Variants in TUBD1 observed in about 807,000 individuals in gnomAD.
TUBD1 encodes tubulin delta chain.
In TUBD1, 38 loss-of-function variants were observed where a neutral mutation model predicts 51.2. The ratio of observed to expected loss-of-function variants is 0.74; its 90% CI spans 0.57 to 0.97. The LOEUF is 0.97. Among genes scored for constraint, TUBD1 ranks in the 50% least tolerant of loss-of-function variants. The probability of loss-of-function intolerance (pLI) is 0.00; values close to 1 mark genes in which losing one functional copy is unlikely to be tolerated. For synonymous variants in TUBD1, 169 were observed against 178.2 expected, an observed-to-expected ratio of 0.95 and a Z score of 0.41; for missense variants, 489 against 538.4, an observed-to-expected ratio of 0.91 and a Z score of 0.91.
intron 3 of TUBD1, among the ~76,000 whole-genome samples, chr17:59,884,350 C>G (rs548243951): frequency 1.3e-5 from 2 of 151,848 alleles, no homozygotes; most frequent in African/African-American, 4.8e-5. Context: ...CAGTGACTCA[C>G]GCCTGTAATC....
chr17:59,871,418 C>A (rs1175697291), intron 6 of TUBD1, among the ~76,000 whole-genome samples: 1 of 152,096 alleles, frequency 6.6e-6, no homozygotes, highest in Non-Finnish European at 1.5e-5. Context: ...CAAGGATGGT[C>A]TCGATCTCTG....
chr17:59,861,848 A>G (rs2039461715), intron 8 of TUBD1, among the ~76,000 whole-genome samples: 1 of 150,826 alleles, frequency 6.6e-6, no homozygotes, highest in African/African-American at 2.4e-5. Flanking sequence ...TTGTGTTTTT[A>G]GTAGAGACGG....
intron 4 of TUBD1, among the ~76,000 whole-genome samples, chr17:59,878,962 A>G (rs1368320792): frequency 1.3e-5 from 2 of 152,162 alleles, no homozygotes; most frequent in East Asian, 3.8e-4. Context: ...TAGGTTGATC[A>G]ACAGGAAATT....
chr17:59,874,732 T>A, intron 5 of TUBD1, 29 bp from the exon 6 acceptor site: 1 of 1,585,030 alleles, frequency 6.3e-7, no homozygotes, highest in Non-Finnish European at 8.6e-7. Context: ...CTGAACTAAT[T>A]TTTTTTTATT....
At chr17:59,890,736 T>C (rs1325468455) in intron 2 of TUBD1, 95 bp downstream of exon 2, 3 of 987,878 alleles carry the variant, frequency 3.0e-6, no homozygotes, top group Non-Finnish European at 4.4e-6. Context: ...CCTAGTGAGA[T>C]GGGAAGGAAT....
chr17:59,868,108 C>CAAAAAAAAAAA (rs35401242), intron 6 of TUBD1, among the ~76,000 whole-genome samples: 2 of 26,812 alleles, frequency 7.5e-5, no homozygotes, highest in African/African-American at 1.5e-4. Flanking sequence ...ACTAAAAATA[C>CAAAAAAAAAAA]AAAAAAAAAA....
rs143082769 is a variant in TUBD1, at chr17:59,882,315, G to A, written c.321-1205C>T. 2.8e-3 allele frequency among the ~76,000 whole-genome samples: 425 copies of A among 151,776 alleles called. 1 individual carries two copies. Among genetic ancestry groups the A allele is most frequent in the African/African-American group, 8.7e-3 (358 of 41,340 alleles). On this transcript the variant is annotated intron_variant, in intron 3 of 8. Transcript: ENST00000325752. Reference sequence around the variant, plus strand: ...TTTGTGTTTTTTGAGGCGGAGTCTCGCTCTGTCGCCCAGGCTGGGGTGCAG... The same window carrying A: ...TTTGTGTTTTTTGAGGCGGAGTCTCACTCTGTCGCCCAGGCTGGGGTGCAG...
chr17:59,889,907 T>C (rs111282327), intron 2 of TUBD1, among the ~76,000 whole-genome samples: 27,897 of 145,702 alleles, frequency 0.19, 2,821 homozygotes, highest in East Asian at 0.39. Context: ...GAGGTGGAGG[T>C]TACAGTGAGC....
intron 3 of TUBD1, 140 bp downstream of exon 3, chr17:59,885,943 G>T: frequency 1.1e-6 from 1 of 927,040 alleles, no homozygotes; most frequent in South Asian, 1.8e-5. Flanking sequence ...GTTTCTTCTG[G>T]GTAAAATAAA....
At chr17:59,872,930 T>G (rs2040061618) in intron 6 of TUBD1, among the ~76,000 whole-genome samples, 1 of 152,002 alleles carries the variant, frequency 6.6e-6, no homozygotes, top group South Asian at 2.1e-4. Flanking sequence ...CGGCTAATTT[T>G]TTTGTATTTT....
rs750457639 is a variant in TUBD1 at position 59,860,012 on chromosome 17, A to ATTT, written c.*307_*309dup. ...TTTAACAGAATGGAACTTTGAAAAC[A>ATTT]TTTTTTTTTTTTTTTTTTTTTGAGA... On this transcript the variant is annotated 3_prime_UTR_variant, in exon 9 of 9. Transcript: ENST00000325752. 5.9e-4 allele frequency: 74 copies of ATTT among 125,474 alleles called. No homozygotes were observed. Among genetic ancestry groups the ATTT allele is most frequent in the African/African-American group, 8.0e-4 (25 of 31,400 alleles). The allele number at this position is 125,474 out of a possible 1,614,324, so 7.8% of individuals were successfully genotyped here. A position where few individuals can be genotyped will look rare whatever the true frequency, so the allele number is the denominator to read the frequency against.
chr17:59,868,607 A>G (rs1236278724), intron 6 of TUBD1, among the ~76,000 whole-genome samples: 1 of 151,556 alleles, frequency 6.6e-6, no homozygotes, highest in Non-Finnish European at 1.5e-5. Context: ...TGCGAGGCAG[A>G]GGGGGGGGAT....
At chr17:59,874,016 C>T (rs377703195) in intron 6 of TUBD1, among the ~76,000 whole-genome samples, 2 of 151,676 alleles carry the variant, frequency 1.3e-5, no homozygotes. Context: ...GGTGAAACCC[C>T]GTCTCTACTA....
chr17:59,862,742 T>TTTTTTA (rs1491573234), intron 8 of TUBD1, among the ~76,000 whole-genome samples: 1 of 125,126 alleles, frequency 8.0e-6, no homozygotes, highest in African/African-American at 3.1e-5. Context: ...TTTTTTTTTT[T>TTTTTTA]GAGACGGAGT....
intron 8 of TUBD1, among the ~76,000 whole-genome samples, chr17:59,861,496 GC>G (rs1468593469): frequency 1.3e-5 from 2 of 151,976 alleles, no homozygotes; most frequent in Admixed American, 1.3e-4. Context: ...ACCATGCCTG[GC>G]TGCTCCCTGC....
chr17:59,874,670 T>A lies in TUBD1; in HGVS notation c.803A>T (p.Glu268Val), dbSNP rs760355725. ...GTTACGAACACTCAGCATCTTGAATTCAGGATGGGGAACTAAATGCTCCAT... is the reference window on the plus strand; with the variant it reads ...GTTACGAACACTCAGCATCTTGAATACAGGATGGGGAACTAAATGCTCCAT... ...DLMEHLVPHP[E>V]FKMLSVRNIP... Residue 268 changes from glutamate (E) to valine (V), a missense_variant, in exon 6 of 9, where the codon GAA becomes GTA. Glu to Val is a moderately radical substitution (Grantham distance 121, BLOSUM62 -2). Coordinates refer to ENST00000325752, the MANE Select transcript of TUBD1 (RefSeq NM_016261.4). 1 of 1,613,052 alleles carries A rather than the reference T, an allele frequency of 6.2e-7. No homozygotes were observed. The highest frequency in any genetic ancestry group is 1.1e-5 in the South Asian group (1 of 90,700).
At chr17:59,883,668 T>C (rs1339072261) in intron 3 of TUBD1, among the ~76,000 whole-genome samples, 2 of 151,726 alleles carry the variant, frequency 1.3e-5, no homozygotes, top group Non-Finnish European at 2.9e-5. Flanking sequence ...TCCCAAAGTG[T>C]TGGGATTACA....
rs1018299816 is a variant in TUBD1 at position 59,890,883 on chromosome 17, C to T, written c.120G>A (p.Glu40=). Residue 40 remains glutamate (E), a synonymous_variant, in exon 2 of 9, where the codon GAG becomes GAA. Transcript: ENST00000325752. Reference sequence around the variant, plus strand: ...TTTCTTTGCAAGATGCTTGATATGCCTCATTCTCTCTCATAGAGCAGAGTC... The same window carrying T: ...TTTCTTTGCAAGATGCTTGATATGCTTCATTCTCTCTCATAGAGCAGAGTC... ...SQGLCSMREN[E]AYQASCKERF... 6.2e-7 allele frequency: 1 copy of T among 1,613,562 alleles called. No homozygotes were observed. The highest frequency in any genetic ancestry group is 1.7e-5 in the Admixed American group (1 of 59,864).
intron 6 of TUBD1, among the ~76,000 whole-genome samples, chr17:59,868,283 CAAAAA>C (rs11401623): frequency 2.0e-5 from 1 of 49,140 alleles, no homozygotes; most frequent in East Asian, 6.6e-4. Flanking sequence ...GACTCCATGT[CAAAAA>C]AAAAAAAAAA....
Sources: gnomAD v4.1 joint callset for allele counts (sites outside exome capture counted in the v4.1 genomes callset) on GRCh38, gnomAD v4.1.1 for gene constraint, MANE v1.5 for transcripts, NCBI Gene and HGNC (gene_info 2026-07-23, HGNC 2026-07-21) for gene names.